BPIFA1: variants seen among roughly 807,000 people sequenced by gnomAD.
The protein encoded by BPIFA1 is BPI fold-containing family A member 1.
Under a neutral mutation model 25.1 loss-of-function variants are expected in BPIFA1, and 24 were observed. The ratio of observed to expected loss-of-function variants is 0.96; its 90% CI spans 0.69 to 1.35. The LOEUF is 1.35. BPIFA1 is among the 40% of genes most tolerant of loss of function. The pLI, the probability that BPIFA1 is intolerant of heterozygous loss-of-function variation, is 0.00. For missense variants in BPIFA1, 344 were observed against 303.7 expected (o/e 1.13, Z -0.99); for synonymous variants, 139 against 131.8 (o/e 1.05, Z -0.37).
intron 4 of BPIFA1, 52 bp from the exon 5 acceptor site, chr20:33,240,181 C>T (rs1978890346): frequency 3.8e-6 from 6 of 1,597,932 alleles, no homozygotes; most frequent in Admixed American, 1.7e-5. Flanking sequence ...AAATAACCCT[C>T]TTCCTTGGAA....
intron 5 of BPIFA1, among the ~76,000 whole-genome samples, chr20:33,240,645 T>TGATAGATAGATAGATAGATA (rs10677321): frequency 1.4e-5 from 2 of 142,840 alleles, no homozygotes; most frequent in Admixed American, 7.0e-5. Context: ...GATAGATAGA[T>TGATAGATAGATAGATAGATA]GATAGATAGA....
At position 33,242,507 on chromosome 20, in the gene BPIFA1, C is replaced by G. The variant is rs372995591; in HGVS notation, c.751C>G (p.Gln251Glu). 18 of 1,614,008 alleles carry G rather than the reference C, an allele frequency of 1.1e-5. No individual in the cohort carries two copies. Among genetic ancestry groups the G allele is most frequent in the Non-Finnish European group, 1.5e-5 (18 of 1,179,996 alleles). The change falls in exon 8 of 9, where the codon CAG becomes GAG. Residue 251 changes from glutamine (Q) to glutamate (E), a missense_variant. Gln to Glu is a conservative substitution (Grantham distance 29). Coordinates refer to ENST00000354297, the MANE Select transcript of BPIFA1 (RefSeq NM_130852.3). ...TTTAGACATGCTGATCCACGGACTA[C>G]AGTTTGTCATCAAGGTCTAAGCCTT... is the stretch of plus-strand genomic sequence containing the variant. ...DIVNMLIHGL[Q>E]FVIKV is the part of the protein sequence containing the mutation.
At chr20:33,238,662 C>G (rs1413781062) in intron 3 of BPIFA1, among the ~76,000 whole-genome samples, 2 of 152,256 alleles carry the variant, frequency 1.3e-5, no homozygotes, top group African/African-American at 4.8e-5. Context: ...ACACAGACGG[C>G]CTTTGATGTT....
At position 33,240,360 on chromosome 20, in the gene BPIFA1, A is replaced by T. The variant is rs753477652; in HGVS notation, c.556A>T (p.Ser186Cys). ...TGGTGACTGCACCCATTCCCCTGGA[A>T]GCCTGCAAATTTCTCTGCTTGATGG... is the stretch of plus-strand genomic sequence containing the variant. ...VLGDCTHSPG[S>C]LQISLLDGLG... Residue 186 changes from serine (S) to cysteine (C), a missense_variant, in exon 5 of 9, where the codon AGC (serine) becomes TGC (cysteine). Ser to Cys is a moderately radical substitution (Grantham distance 112). Coordinates refer to ENST00000354297, the MANE Select transcript of BPIFA1 (RefSeq NM_130852.3). 9 of 1,614,136 alleles carry T rather than the reference A, an allele frequency of 5.6e-6. No homozygotes were observed. In the South Asian group the frequency reaches 9.9e-5, roughly 18 times the overall value.
At chr20:33,241,542 T>C in intron 6 of BPIFA1, 73 bp downstream of exon 6, 5 of 1,358,628 alleles carry the variant, frequency 3.7e-6, no homozygotes, top group Non-Finnish European at 5.3e-6. Context: ...AGCCCTGAGC[T>C]AAGTGGGTCC....
In BPIFA1 at chr20:33,239,810, G is replaced by T; in HGVS notation, c.328G>T (p.Val110Phe). 1 of 1,614,028 alleles carries T rather than the reference G, an allele frequency of 6.2e-7. No homozygotes were observed. The highest frequency in any genetic ancestry group is 8.5e-7 in the Non-Finnish European group (1 of 1,179,876). Residue 110 changes from valine (V) to phenylalanine (F), a missense_variant, in exon 4 of 9, where the codon GTC (valine) becomes TTC (phenylalanine). Val to Phe is a conservative substitution (Grantham distance 50, BLOSUM62 -1). Coordinates refer to ENST00000354297, the MANE Select transcript of BPIFA1 (RefSeq NM_130852.3). ...ATATTACTCCCTGGACAGCATAAAG[G>T]TCACTGACCCCCAGCTGCTGGAACT... ...PGLNNIIDIK[V>F]TDPQLLELGL... is the part of the protein sequence containing the mutation.
intron 2 of BPIFA1, 38 bp downstream of exon 2, chr20:33,237,909 T>C (rs907881048): frequency 6.0e-6 from 3 of 497,132 alleles, no homozygotes; most frequent in Non-Finnish European, 7.5e-6. Context: ...TGTGTGTGTG[T>C]GTGTGTGTGT....
intron 5 of BPIFA1, among the ~76,000 whole-genome samples, chr20:33,240,691 AG>A (rs533361154): frequency 0.012 from 1,584 of 137,310 alleles, 29 homozygotes; most frequent in African/African-American, 0.055. Flanking sequence ...AGATAGATAA[AG>A]TAGTACTTAT....
rs1305279841 is a variant in BPIFA1 at position 33,240,304 on chromosome 20, G to A, written c.500G>A (p.Arg167Lys). The A allele has an allele frequency of 6.2e-7, 1 of 1,614,192 alleles. No individual in the cohort carries two copies. Among genetic ancestry groups the A allele is most frequent in the Non-Finnish European group, 8.5e-7 (1 of 1,180,036 alleles). Residue 167 changes from arginine (R) to lysine (K), a missense_variant, in exon 5 of 9, where the codon AGA (arginine) becomes AAA (lysine). Physicochemically the swap from Arg to Lys is conservative, Grantham distance 26. Coordinates refer to ENST00000354297, the MANE Select transcript of BPIFA1 (RefSeq NM_130852.3). ...ATCACTGCAGAAATCTTAGCTGTGA[G>A]AGATAAGCAGGAGAGGATCCACCTG... ...LDITAEILAV[R>K]DKQERIHLVL...
intron 3 of BPIFA1, 101 bp downstream of exon 3, chr20:33,238,315 C>A: frequency 1.5e-6 from 2 of 1,362,066 alleles, no homozygotes; most frequent in Non-Finnish European, 2.0e-6. Context: ...CCTGAAGCAG[C>A]GAGGGAGCGG....
At chr20:33,242,604 G>C (rs953738366) in intron 8 of BPIFA1, 43 bp downstream of exon 8, 1 of 1,455,198 alleles carries the variant, frequency 6.9e-7, no homozygotes. Context: ...GGGGCTGGCT[G>C]TTCTTCTCCT....
At chr20:33,239,036 T>G (rs1048877485) in intron 3 of BPIFA1, among the ~76,000 whole-genome samples, 8 of 152,134 alleles carry the variant, frequency 5.3e-5, no homozygotes, top group African/African-American at 1.9e-4. Context: ...GAAAGTGTAT[T>G]GTGAGGACTG....
In BPIFA1 at chr20:33,236,039, TAAG is replaced by T. The variant is rs1419232884; in HGVS notation, c.-23_-21del. 2 of 152,192 alleles carry T rather than the reference TAAG, an allele frequency of 1.3e-5. No homozygotes were observed. Among genetic ancestry groups the T allele is most frequent in the African/African-American group, 4.8e-5 (2 of 41,422 alleles). 9.4% of individuals were successfully genotyped at this position (152,192 alleles called of 1,614,324 possible). On this transcript the variant is annotated 5_prime_UTR_variant, in exon 1 of 9. Transcript: ENST00000354297. The stretch of plus-strand genomic sequence containing the variant: ...AGACCAGGACAGCTGCTGAGACCTC[TAAG>T]AAGTCCAGGTAAGAGCCATCCATTC...
chr20:33,241,360 A>G, intron 5 of BPIFA1, 25 bp from the exon 6 acceptor site: 1 of 1,590,598 alleles, frequency 6.3e-7, no homozygotes, highest in Non-Finnish European at 8.6e-7. Flanking sequence ...AGGTCCCTGC[A>G]TCACCCATGA....
At chr20:33,240,638 A>G (rs1287493538) in intron 5 of BPIFA1, among the ~76,000 whole-genome samples, 2 of 133,960 alleles carry the variant, frequency 1.5e-5, no homozygotes, top group South Asian at 2.6e-4. Flanking sequence ...ATGGATGGAT[A>G]GATAGATGAT....
chr20:33,241,494 CT>C (rs758933902), intron 6 of BPIFA1, 25 bp downstream of exon 6: 31 of 1,583,574 alleles, frequency 2.0e-5, no homozygotes, highest in African/African-American at 5.4e-5. Context: ...TGGGGATCCC[CT>C]GATCCTCAGG....
chr20:33,237,896 G>A, intron 2 of BPIFA1, 25 bp downstream of exon 2: 2 of 1,504,284 alleles, frequency 1.3e-6, no homozygotes, highest in Non-Finnish European at 1.8e-6. Context: ...GTGTATGTGT[G>A]CATGTGTGTG....
Position 33,237,761 on chromosome 20 carries a change from C to A in BPIFA1, c.50C>A (p.Thr17Asn), listed in dbSNP as rs769038767. 13 of 1,578,324 alleles carry A rather than the reference C, an allele frequency of 8.2e-6. No individual in the cohort carries two copies. The highest frequency in any genetic ancestry group is 1.2e-5 in the South Asian group (1 of 84,794). Residue 17 changes from threonine (T) to asparagine (N), a missense_variant, in exon 2 of 9, where the codon ACC (threonine) becomes AAC (asparagine). Thr to Asn is a moderately conservative substitution (Grantham distance 65). Transcript: ENST00000354297. ...LIVFYGLLAQ[T>N]MAQFGGLPVP... is the part of the protein sequence containing the mutation. ...GTCTTCTACGGGCTGTTAGCCCAGA[C>A]CATGGCCCAGTTTGGAGGCCTGCCC...
In BPIFA1 at chr20:33,242,059, T is replaced by C. The variant is rs777978608; in HGVS notation, c.670T>C (p.Cys224Arg). The change falls in exon 7 of 9, where the codon TGC becomes CGC. Residue 224 changes from cysteine (C) to arginine (R), a missense_variant. Cys to Arg is a radical substitution (Grantham distance 180). Coordinates refer to ENST00000354297, the MANE Select transcript of BPIFA1 (RefSeq NM_130852.3). ...VLPELVQGNVCPLVNEVLRGL... is the reference protein window; with the variant it reads ...VLPELVQGNVRPLVNEVLRGL... ...TCTCCTCTCTGCCCCTGGCCAGGTG[T>C]GCCCTCTGGTCAATGAGGTTCTCAG... 8.7e-6 allele frequency: 14 copies of C among 1,613,960 alleles called. No individual in the cohort carries two copies. Among genetic ancestry groups the C allele is most frequent in the Non-Finnish European group, 1.1e-5 (13 of 1,179,906 alleles).
Sources: allele counts gnomAD v4.1 joint callset (sites outside exome capture counted in the v4.1 genomes callset), GRCh38; gene constraint gnomAD v4.1.1; transcripts MANE v1.5; gene names NCBI Gene and HGNC (gene_info 2026-07-23, HGNC 2026-07-21).